LRFN5: variants seen among roughly 807,000 people sequenced by gnomAD.
The protein encoded by LRFN5 is leucine rich repeat and fibronectin type III domain containing 5, also known as leucine-rich repeat and fibronectin type-III domain-containing protein 5.
In LRFN5, 24 loss-of-function variants were observed where a neutral mutation model predicts 45.6. The observed-to-expected ratio is 0.53, with a 90% CI of 0.38 to 0.74. The LOEUF is 0.74. LRFN5 is among the 30% of genes least tolerant of loss of function. The pLI is 0.00. For missense variants in LRFN5, 776 were observed against 861.5 expected (o/e 0.90, Z 1.24); for synonymous variants, 340 against 313.8 (o/e 1.08, Z -0.88).
intron 1 of LRFN5, among the ~76,000 whole-genome samples, chr14:41,733,818 TA>T (rs1226850073): frequency 6.6e-6 from 1 of 151,330 alleles, no homozygotes; most frequent in Non-Finnish European, 1.5e-5. Context: ...TATTAATATA[TA>T]AAAAAATTAT....
intron 2 of LRFN5, among the ~76,000 whole-genome samples, chr14:41,770,432 C>T (rs1444748119): frequency 2.0e-5 from 3 of 152,142 alleles, no homozygotes; most frequent in African/African-American, 7.2e-5. Context: ...CACCTATGAG[C>T]CTGTAAAATC....
intron 2 of LRFN5, among the ~76,000 whole-genome samples, chr14:41,792,367 G>A (rs1224405784): frequency 1.3e-5 from 2 of 152,066 alleles, no homozygotes; most frequent in East Asian, 1.9e-4. Flanking sequence ...AAACAGGTTC[G>A]AGAGCAGAGA....
At chr14:41,794,327 C>G (rs1887042001) in intron 2 of LRFN5, among the ~76,000 whole-genome samples, 1 of 151,974 alleles carries the variant, frequency 6.6e-6, no homozygotes, top group South Asian at 2.1e-4. Context: ...GAAAATATGA[C>G]ATTTTATTCT....
At chr14:41,718,144 G>T (rs1287568916) in intron 1 of LRFN5, among the ~76,000 whole-genome samples, 2 of 152,060 alleles carry the variant, frequency 1.3e-5, no homozygotes, top group East Asian at 3.9e-4. Flanking sequence ...CTATGGTCTT[G>T]GCATCTTCTC....
At chr14:41,672,667 C>G (rs1428331500) in intron 1 of LRFN5, among the ~76,000 whole-genome samples, 1 of 152,140 alleles carries the variant, frequency 6.6e-6, no homozygotes, top group Non-Finnish European at 1.5e-5. Flanking sequence ...ACCAAAATGT[C>G]TCTCTGTTTT....
chr14:41,753,330 G>C (rs1478555228), intron 1 of LRFN5, among the ~76,000 whole-genome samples: 1 of 152,110 alleles, frequency 6.6e-6, no homozygotes, highest in Non-Finnish European at 1.5e-5. Flanking sequence ...GATGCGGATG[G>C]CATTGAATCT....
intron 4 of LRFN5, chr14:41,894,214 G>A (rs1480158719): frequency 2.0e-6 from 2 of 985,154 alleles, no homozygotes; most frequent in Non-Finnish European, 2.4e-6. Flanking sequence ...TGCAACATTA[G>A]CAAGGTTAAC....
chr14:41,715,079 A>G (rs935488), intron 1 of LRFN5, among the ~76,000 whole-genome samples: 1 of 151,968 alleles, frequency 6.6e-6, no homozygotes, highest in African/African-American at 2.4e-5. Flanking sequence ...CTTATATCCA[A>G]GAGTAACATA....
At chr14:41,770,028 T>C (rs1256108521) in intron 2 of LRFN5, among the ~76,000 whole-genome samples, 1 of 152,128 alleles carries the variant, frequency 6.6e-6, no homozygotes, top group East Asian at 1.9e-4. Flanking sequence ...GTAATCATTA[T>C]GACAGAAGGC....
chr14:41,857,817 A>G (rs2139090730), intron 2 of LRFN5, among the ~76,000 whole-genome samples: 1 of 152,324 alleles, frequency 6.6e-6, no homozygotes, highest in Non-Finnish European at 1.5e-5. Context: ...AATGCCAGTG[A>G]AGACCTCATA....
chr14:41,622,968 C>T (rs1313878886), intron 1 of LRFN5, among the ~76,000 whole-genome samples: 2 of 152,048 alleles, frequency 1.3e-5, no homozygotes, highest in Non-Finnish European at 2.9e-5. Flanking sequence ...TCAATTTTAA[C>T]TGAGTTATGA....
intron 1 of LRFN5, among the ~76,000 whole-genome samples, chr14:41,677,651 T>C (rs1881694275): frequency 6.6e-6 from 1 of 152,084 alleles, no homozygotes; most frequent in Non-Finnish European, 1.5e-5. Context: ...TTAGAGTTTG[T>C]AGAAGAGAGA....
At chr14:41,891,137 G>A (rs1462103229) in intron 3 of LRFN5, 113 bp from the exon 4 acceptor site, 2 of 821,604 alleles carry the variant, frequency 2.4e-6, no homozygotes, top group Non-Finnish European at 3.9e-6. Context: ...TAATTCATAT[G>A]TTATAAATGT....
intron 2 of LRFN5, among the ~76,000 whole-genome samples, chr14:41,771,342 C>G (rs761985947): frequency 5.3e-5 from 8 of 151,890 alleles, no homozygotes; most frequent in Non-Finnish European, 1.0e-4. Context: ...GTCACGCATG[C>G]CTCTCTAGCA....
At chr14:41,795,192 G>A (rs1887075019) in intron 2 of LRFN5, among the ~76,000 whole-genome samples, 1 of 151,964 alleles carries the variant, frequency 6.6e-6, no homozygotes, top group Non-Finnish European at 1.5e-5. Flanking sequence ...ATCATCGCTG[G>A]CCATCTAAGA....
At chr14:41,900,429 C>T (rs546394620) in intron 5 of LRFN5, among the ~76,000 whole-genome samples, 3 of 151,734 alleles carry the variant, frequency 2.0e-5, no homozygotes, top group Non-Finnish European at 4.4e-5. Flanking sequence ...AGATATAGCA[C>T]AAAATTTTGC....
chr14:41,898,171 TAAG>T (rs1480959153), intron 4 of LRFN5, among the ~76,000 whole-genome samples: 2 of 152,088 alleles, frequency 1.3e-5, no homozygotes, highest in African/African-American at 4.8e-5. Context: ...CTGTGAATCC[TAAG>T]AAGGACTTAT....
At chr14:41,691,253 A>G (rs1298989795) in intron 1 of LRFN5, among the ~76,000 whole-genome samples, 9 of 152,108 alleles carry the variant, frequency 5.9e-5, no homozygotes, top group South Asian at 2.1e-4. Flanking sequence ...CTTTTAAGCT[A>G]CAAACTTCCT....
chr14:41,821,705 G>T (rs1428941908), intron 2 of LRFN5, among the ~76,000 whole-genome samples: 1 of 143,066 alleles, frequency 7.0e-6, no homozygotes, highest in East Asian at 2.1e-4. Flanking sequence ...AGTAGGATTT[G>T]TACCAGTTGG....
Sources: allele counts gnomAD v4.1 joint callset (sites outside exome capture counted in the v4.1 genomes callset), GRCh38; gene constraint gnomAD v4.1.1; transcripts MANE v1.5; gene names NCBI Gene and HGNC (gene_info 2026-07-23, HGNC 2026-07-21).